NR3C2: variants seen among roughly 807,000 people sequenced by gnomAD.
NR3C2 encodes mineralocorticoid receptor.
Under a neutral mutation model 86.4 loss-of-function variants are expected in NR3C2, and 15 were observed. The observed-to-expected ratio is 0.17, with a 90% confidence interval of 0.12 to 0.27. The LOEUF is 0.27. Ranked by LOEUF, NR3C2 falls within the 10% of genes least tolerant of loss-of-function variation. NR3C2 has a pLI of 1.00. For missense variants in NR3C2, 960 were observed against 1,195.6 expected (o/e 0.80, Z 2.91); for synonymous variants, 458 against 450.5 (o/e 1.02, Z -0.21).
At position 148,362,689 on chromosome 4, in the gene NR3C2, A is replaced by T. The variant is rs543684164; in HGVS notation, c.1757+72415T>A. Among the ~76,000 whole-genome samples the T allele has an allele frequency of 2.6e-5, 4 of 152,256 alleles. No homozygotes were observed. The South Asian group carries it at 8.3e-4, about 32-fold the overall frequency. On this transcript the variant is annotated intron_variant, in intron 2 of 8. Transcript: ENST00000358102. ...CATTGCTATGGAATTTACAATCTAG[A>T]CTCAAAGAAGACAGAGCCATTCAAC... is the stretch of plus-strand genomic sequence containing the variant.
intron 2 of NR3C2, among the ~76,000 whole-genome samples, chr4:148,274,465 G>C (rs926483821): frequency 1.3e-5 from 2 of 152,090 alleles, no homozygotes; most frequent in Non-Finnish European, 2.9e-5. Context: ...TGGGGGTGGT[G>C]TACCCTATGC....
At chr4:148,389,444 C>T (rs1346249838) in intron 2 of NR3C2, among the ~76,000 whole-genome samples, 1 of 152,060 alleles carries the variant, frequency 6.6e-6, no homozygotes, top group Non-Finnish European at 1.5e-5. Flanking sequence ...GGAAAATTTA[C>T]CGTCTCTCCT....
At chr4:148,237,380 T>C (rs538806524) in intron 3 of NR3C2, among the ~76,000 whole-genome samples, 1 of 152,340 alleles carries the variant, frequency 6.6e-6, no homozygotes, top group African/African-American at 2.4e-5. Context: ...ATCATTTAGC[T>C]AGTCCTAGAA....
At chr4:148,137,627 G>A (rs550629384) in intron 6 of NR3C2, among the ~76,000 whole-genome samples, 23 of 152,264 alleles carry the variant, frequency 1.5e-4, no homozygotes, top group Admixed American at 1.0e-3. Flanking sequence ...AAAGCCAGGC[G>A]GAATTAGAGT....
chr4:148,171,847 C>T (rs1001525505), intron 4 of NR3C2, among the ~76,000 whole-genome samples: 1 of 152,176 alleles, frequency 6.6e-6, no homozygotes, highest in Non-Finnish European at 1.5e-5. Context: ...ACTCAAGTGG[C>T]CACCCAGACA....
At chr4:148,285,567 C>T (rs1022844220) in intron 2 of NR3C2, among the ~76,000 whole-genome samples, 5 of 151,934 alleles carry the variant, frequency 3.3e-5, no homozygotes, top group Non-Finnish European at 7.4e-5. Context: ...ATTATTTGGG[C>T]GTGGTGACGT....
At chr4:148,121,953 G>C (rs1437737964) in intron 6 of NR3C2, among the ~76,000 whole-genome samples, 1 of 152,046 alleles carries the variant, frequency 6.6e-6, no homozygotes, top group Admixed American at 6.6e-5. Flanking sequence ...GTTTCTACAG[G>C]ATACAGAATG....
intron 8 of NR3C2, among the ~76,000 whole-genome samples, chr4:148,099,098 C>T (rs1348437074): frequency 6.6e-6 from 1 of 152,242 alleles, no homozygotes; most frequent in Non-Finnish European, 1.5e-5. Context: ...GCAAGCTGTA[C>T]TGCAGGCTGA....
At chr4:148,290,672 G>T (rs564635385) in intron 2 of NR3C2, among the ~76,000 whole-genome samples, 2 of 152,142 alleles carry the variant, frequency 1.3e-5, no homozygotes, top group Non-Finnish European at 2.9e-5. Context: ...TACCTGAAAT[G>T]GTCAATGTCC....
At chr4:148,299,857 A>G (rs1194078758) in intron 2 of NR3C2, among the ~76,000 whole-genome samples, 1 of 152,112 alleles carries the variant, frequency 6.6e-6, no homozygotes, top group Non-Finnish European at 1.5e-5. Flanking sequence ...GTCAGGAGTT[A>G]ACTTTTAAAA....
chr4:148,321,603 T>G (rs1358023223), intron 2 of NR3C2, among the ~76,000 whole-genome samples: 2 of 152,214 alleles, frequency 1.3e-5, no homozygotes, highest in African/African-American at 2.4e-5. Flanking sequence ...TAGCTCTTCT[T>G]GTTGAATTGA....
In NR3C2 at chr4:148,079,166, T is replaced by TGTAA. The variant is rs1334056478; in HGVS notation, c.*2174_*2177dup. On this transcript the variant is annotated 3_prime_UTR_variant, in exon 9 of 9. Transcript: ENST00000358102. Reference sequence around the variant, plus strand: ...CTAAGTCTGAACTAAAAGCTGCTTTTGTAAGTAAGCCATTTGTTTGCTAGC... The same window carrying TGTAA: ...CTAAGTCTGAACTAAAAGCTGCTTTTGTAAGTAAGTAAGCCATTTGTTTGCTAGC... 2.0e-5 allele frequency: 3 copies of TGTAA among 152,210 alleles called. No individual in the cohort carries two copies. Among genetic ancestry groups the TGTAA allele is most frequent in the Non-Finnish European group, 2.9e-5 (2 of 68,044 alleles). 9.4% of individuals were successfully genotyped at this position (152,210 alleles called of 1,614,324 possible). A position where few individuals can be genotyped will look rare whatever the true frequency, so the allele number is the denominator to read the frequency against.
intron 2 of NR3C2, among the ~76,000 whole-genome samples, chr4:148,377,397 T>C (rs544043337): frequency 6.6e-6 from 1 of 152,324 alleles, no homozygotes; most frequent in South Asian, 2.1e-4. Flanking sequence ...TGTGAAGCTC[T>C]TCCCAAAAGT....
rs1374779029 is a variant in NR3C2 at position 148,241,305 on chromosome 4, C to CAAAA, written c.1897+18669_1897+18672dup. 4.2e-4 allele frequency among the ~76,000 whole-genome samples: 8 copies of CAAAA among 18,856 alleles called. 1 individual carries two copies. The highest frequency in any genetic ancestry group is 5.7e-4 in the Non-Finnish European group (7 of 12,262). The allele number at this position is 18,856 out of a possible 152,430, so 12.4% of individuals were successfully genotyped here. ...TGGAAGACAGAGCAAAACTCTGTCT[C>CAAAA]AAAAAAAAAAAAAAAAAAAAAAAAA... On this transcript the variant is annotated intron_variant, in intron 3 of 8. Transcript: ENST00000358102.
At chr4:148,179,172 T>C (rs1335322418) in intron 4 of NR3C2, among the ~76,000 whole-genome samples, 1 of 151,306 alleles carries the variant, frequency 6.6e-6, no homozygotes, top group East Asian at 1.9e-4. Context: ...ACAGAAAATA[T>C]CAGTGAGTGT....
intron 6 of NR3C2, among the ~76,000 whole-genome samples, chr4:148,149,608 G>A (rs1734017300): frequency 6.6e-6 from 1 of 152,104 alleles, no homozygotes; most frequent in Admixed American, 6.5e-5. Context: ...TTTCAATAGA[G>A]TAAAAAGGCA....
intron 2 of NR3C2, among the ~76,000 whole-genome samples, chr4:148,297,156 T>C (rs1742093446): frequency 1.3e-5 from 2 of 152,020 alleles, no homozygotes; most frequent in African/African-American, 4.8e-5. Context: ...GAAAAAAACA[T>C]ATGTAAGTGA....
intron 3 of NR3C2, among the ~76,000 whole-genome samples, chr4:148,239,234 C>A (rs1738896177): frequency 6.6e-6 from 1 of 152,220 alleles, no homozygotes; most frequent in Non-Finnish European, 1.5e-5. Context: ...ATCATCCTCA[C>A]TGCACAGTGA....
At chr4:148,442,807 C>T (rs61760027), upstream of NR3C2, 45,080 of 985,376 alleles carry the variant, frequency 0.046, 5,946 homozygotes, top group African/African-American at 0.44. Context: ...ACCCCCATCG[C>T]TCGGCCGCCC....
Sources: gnomAD v4.1 joint callset for allele counts (sites outside exome capture counted in the v4.1 genomes callset) on GRCh38, gnomAD v4.1.1 for gene constraint, MANE v1.5 for transcripts, NCBI Gene and HGNC (gene_info 2026-07-23, HGNC 2026-07-21) for gene names.